CBLN2: variants seen among roughly 807,000 people sequenced by gnomAD.
The protein encoded by CBLN2 is cerebellin-2.
Under a neutral mutation model 15.0 loss-of-function variants are expected in CBLN2, and 7 were observed. The observed-to-expected ratio is 0.47, with a 90% CI of 0.27 to 0.88. CBLN2 has a LOEUF of 0.88. Among genes scored for constraint, CBLN2 ranks in the 40% least tolerant of loss-of-function variants. CBLN2 has a pLI of 0.14. For missense variants in CBLN2, 242 were observed against 304.5 expected, an observed-to-expected ratio of 0.79 and a Z score of 1.53; for synonymous variants, 149 against 135.2, an observed-to-expected ratio of 1.10 and a Z score of -0.71.
upstream of CBLN2, among the ~76,000 whole-genome samples, chr18:72,545,928 A>G (rs2069154557): frequency 6.6e-6 from 1 of 152,248 alleles, no homozygotes. Flanking sequence ...TCTATGTGGC[A>G]ACATAAATGT....
chr18:72,541,682 G>A (rs768179953), intron 3 of CBLN2, 122 bp downstream of exon 3: 10 of 683,816 alleles, frequency 1.5e-5, no homozygotes, highest in Non-Finnish European at 2.3e-5. Context: ...AGACTAGCAG[G>A]GCAGAGGGGG....
At chr18:72,557,381 T>G (rs1043373394) in intron 1 of CBLN2, among the ~76,000 whole-genome samples, 11 of 152,340 alleles carry the variant, frequency 7.2e-5, no homozygotes, top group Admixed American at 5.2e-4. Context: ...TGATTTATAT[T>G]CTTTGGCTAT....
At chr18:72,629,443 A>G (rs2069761052) in intron 1 of CBLN2, among the ~76,000 whole-genome samples, 1 of 152,138 alleles carries the variant, frequency 6.6e-6, no homozygotes, top group South Asian at 2.1e-4. Context: ...AGAAGATGAA[A>G]AAAAGGCAGT....
At chr18:72,636,598 C>G (rs547192134) in intron 1 of CBLN2, among the ~76,000 whole-genome samples, 1 of 152,140 alleles carries the variant, frequency 6.6e-6, no homozygotes, top group Admixed American at 6.5e-5. Flanking sequence ...TCCCGTTCCC[C>G]GTGGTACATG....
At chr18:72,623,902 T>C (rs2069717143) in intron 1 of CBLN2, among the ~76,000 whole-genome samples, 1 of 152,166 alleles carries the variant, frequency 6.6e-6, no homozygotes, top group African/African-American at 2.4e-5. Context: ...CCCTTAAAAA[T>C]ACTTCTGCTT....
chr18:72,625,802 CTCTCTCTCTCTCTCTCTATATA>C (rs1266088187), intron 1 of CBLN2, among the ~76,000 whole-genome samples: 1 of 53,270 alleles, frequency 1.9e-5, no homozygotes, highest in African/African-American at 5.0e-5. Context: ...CTCTCTCTCT[CTCTCTCTCTCTCTCTCTATATA>C]TATATATATA....
At chr18:72,622,483 A>G (rs2069707819) in intron 1 of CBLN2, among the ~76,000 whole-genome samples, 1 of 152,144 alleles carries the variant, frequency 6.6e-6, no homozygotes, top group African/African-American at 2.4e-5. Context: ...ACTTACTGGC[A>G]AGTCCAGAAA....
chr18:72,584,157 T>A (rs1490230211), intron 1 of CBLN2, among the ~76,000 whole-genome samples: 3 of 152,112 alleles, frequency 2.0e-5, no homozygotes, highest in Non-Finnish European at 4.4e-5. Flanking sequence ...CTGCACATAG[T>A]CACAGTTGCT....
chr18:72,635,107 A>G (rs892098125), intron 1 of CBLN2, among the ~76,000 whole-genome samples: 7 of 152,084 alleles, frequency 4.6e-5, no homozygotes, highest in Non-Finnish European at 7.4e-5. Flanking sequence ...TAAACACTCA[A>G]TTGAGCTCAA....
chr18:72,571,825 C>T (rs987444997), intron 1 of CBLN2, among the ~76,000 whole-genome samples: 1 of 152,148 alleles, frequency 6.6e-6, no homozygotes, highest in Non-Finnish European at 1.5e-5. Context: ...AATGAGAGCA[C>T]TGACATCTTA....
At chr18:72,564,644 A>G (rs2069282607) in intron 1 of CBLN2, among the ~76,000 whole-genome samples, 1 of 152,192 alleles carries the variant, frequency 6.6e-6, no homozygotes, top group African/African-American at 2.4e-5. Context: ...AAAATCTACA[A>G]TATTTATGAG....
chr18:72,593,537 C>T (rs569484307), intron 1 of CBLN2, among the ~76,000 whole-genome samples: 1 of 152,224 alleles, frequency 6.6e-6, no homozygotes, highest in East Asian at 1.9e-4. Flanking sequence ...GTGGGACTAC[C>T]AGTCAGTGTT....
intron 1 of CBLN2, among the ~76,000 whole-genome samples, chr18:72,581,671 C>T (rs2069405889): frequency 6.6e-6 from 1 of 152,148 alleles, no homozygotes; most frequent in African/African-American, 2.4e-5. Flanking sequence ...TTGCGAATAA[C>T]ATCTTTTCCC....
intron 1 of CBLN2, among the ~76,000 whole-genome samples, chr18:72,607,339 TTAGCACC>T (rs1319295929): frequency 6.6e-6 from 1 of 152,186 alleles, no homozygotes; most frequent in Non-Finnish European, 1.5e-5. Context: ...ACCTCCTAGG[TTAGCACC>T]TGGGAAGGCA....
In CBLN2 at chr18:72,542,234, A is replaced by G; in HGVS notation, c.-74T>C. ...GAGCGGCGCGGAAGGGCGCGAAGGAACGCGCGGAGCTCGCAGCAGCCTCCG... is the reference window on the plus strand; with the variant it reads ...GAGCGGCGCGGAAGGGCGCGAAGGAGCGCGCGGAGCTCGCAGCAGCCTCCG... On this transcript the variant is annotated 5_prime_UTR_variant, in exon 3 of 5. Coordinates refer to ENST00000269503, the MANE Select transcript of CBLN2 (RefSeq NM_182511.4). The G allele has an allele frequency of 9.8e-7, 1 of 1,024,902 alleles. No homozygotes were observed. Among genetic ancestry groups the G allele is most frequent in the Non-Finnish European group, 1.2e-6 (1 of 821,344 alleles). 63.5% of individuals were successfully genotyped at this position (1,024,902 alleles called of 1,614,324 possible). A position where few individuals can be genotyped will look rare whatever the true frequency, so the allele number is the denominator to read the frequency against.
intron 1 of CBLN2, among the ~76,000 whole-genome samples, chr18:72,585,989 G>T (rs191167489): frequency 2.6e-5 from 4 of 152,254 alleles, no homozygotes; most frequent in Admixed American, 2.6e-4. Context: ...AGCAGGAGTT[G>T]CCTGTGGGGG....
At position 72,626,592 on chromosome 18, in the gene CBLN2, C is replaced by T. The variant is rs547586285; in HGVS notation, c.15+11733G>A. Among the ~76,000 whole-genome samples the T allele has an allele frequency of 1.4e-3, 210 of 151,986 alleles. 2 individuals are homozygous for T. The highest frequency in any genetic ancestry group is 4.4e-3 in the South Asian group (21 of 4,804). Reference sequence around the variant, plus strand: ...GCGGGCGCCTGTAATCCCAGCTACTCGGGAGGCTGAGGTAGGAGAATTGCT... The same window carrying T: ...GCGGGCGCCTGTAATCCCAGCTACTTGGGAGGCTGAGGTAGGAGAATTGCT... On this transcript the variant is annotated intron_variant, in intron 1 of 2. Transcript: ENST00000581073.
At chr18:72,619,322 G>A (rs1296829988) in intron 1 of CBLN2, 1 of 562,302 alleles carries the variant, frequency 1.8e-6, no homozygotes, top group Admixed American at 2.2e-5. Context: ...CAAGCACAGT[G>A]GTGGCAGGGC....
chr18:72,572,921 T>C (rs1218359035), intron 1 of CBLN2, among the ~76,000 whole-genome samples: 1 of 152,150 alleles, frequency 6.6e-6, no homozygotes, highest in Non-Finnish European at 1.5e-5. Context: ...AAAGAGCAAT[T>C]TGTATTGATA....
Sources: allele counts gnomAD v4.1 joint callset (sites outside exome capture counted in the v4.1 genomes callset), GRCh38; gene constraint gnomAD v4.1.1; transcripts MANE v1.5; gene names NCBI Gene and HGNC (gene_info 2026-07-23, HGNC 2026-07-21).